Variants in CTNNBIP1 observed in about 807,000 individuals in gnomAD.
CTNNBIP1 encodes beta-catenin-interacting protein 1.
CTNNBIP1 carries 7 observed loss-of-function variants against 11.8 expected under a neutral mutation model. The ratio of observed to expected loss-of-function variants is 0.60; its 90% CI spans 0.34 to 1.12. The LOEUF (loss-of-function observed/expected upper bound fraction) is 1.12, where lower values mean the gene tolerates loss of function less well. Among genes scored for constraint, CTNNBIP1 ranks in the 50% most tolerant of loss-of-function variants. The pLI, the probability that CTNNBIP1 is intolerant of heterozygous loss-of-function variation, is 0.03. For missense variants in CTNNBIP1, 101 were observed against 113.4 expected (o/e 0.89, Z 0.50); for synonymous variants, 58 against 43.9 (o/e 1.32, Z -1.26).
intron 5 of CTNNBIP1, among the ~76,000 whole-genome samples, chr1:9,853,396 C>T (rs1456435132): frequency 6.6e-6 from 1 of 152,244 alleles, no homozygotes; most frequent in Non-Finnish European, 1.5e-5. Context: ...CCCTTTTCCT[C>T]TTCTCTATGA....
Position 9,850,689 on chromosome 1 carries a change from G to C in CTNNBIP1, c.*29C>G. ...CACACAGATCTCTTGGCCCTCAACA[G>C]CATCCAGGGTGTTCCAAGGGCTTTG... On this transcript the variant is annotated 3_prime_UTR_variant, in exon 6 of 6. Transcript: ENST00000377263. The C allele has an allele frequency of 1.9e-6, 3 of 1,609,114 alleles. No homozygotes were observed. The highest frequency in any genetic ancestry group is 2.6e-6 in the Non-Finnish European group (3 of 1,175,556).
intron 1 of CTNNBIP1, among the ~76,000 whole-genome samples, chr1:9,899,611 T>C (rs1024107245): frequency 6.7e-6 from 1 of 148,272 alleles, no homozygotes; most frequent in Non-Finnish European, 1.5e-5. Context: ...TACAAAAAAT[T>C]AGCCGGGCAT....
chr1:9,853,910 T>C (rs1638445588), intron 5 of CTNNBIP1, among the ~76,000 whole-genome samples: 1 of 150,432 alleles, frequency 6.6e-6, no homozygotes, highest in African/African-American at 2.5e-5. Flanking sequence ...GCTAGCAAAC[T>C]GAATACAACA....
rs1042601883 is a variant in CTNNBIP1, at chr1:9,851,174, G to T, written c.188-398C>A. Among the ~76,000 whole-genome samples, 1 of 152,146 alleles carries T rather than the reference G, an allele frequency of 6.6e-6. No homozygotes were observed. The highest frequency in any genetic ancestry group is 1.5e-5 in the Non-Finnish European group (1 of 68,034). ...CTCCCTCTTTCTTCTCAAGACTCGCGTCTTGATGCCTTCGGAGGGTCTGGC... is the reference window on the plus strand; with the variant it reads ...CTCCCTCTTTCTTCTCAAGACTCGCTTCTTGATGCCTTCGGAGGGTCTGGC... On this transcript the variant is annotated intron_variant, in intron 5 of 5. Coordinates refer to ENST00000377263, the MANE Select transcript of CTNNBIP1 (RefSeq NM_020248.3). This position sits in a 1 kb window ranked among gnomAD's most constrained non-coding sequence, Gnocchi z 4.8.
At chr1:9,865,554 A>C (rs1374642258) in intron 5 of CTNNBIP1, among the ~76,000 whole-genome samples, 1 of 145,890 alleles carries the variant, frequency 6.9e-6, no homozygotes, top group Admixed American at 6.6e-5. Context: ...CAGTGAGCCG[A>C]GACCGCACCA....
intron 5 of CTNNBIP1, 28 bp from the exon 6 acceptor site, chr1:9,850,804 A>T (rs1347863596): frequency 6.2e-7 from 1 of 1,611,218 alleles, no homozygotes; most frequent in Non-Finnish European, 8.5e-7. Context: ...AGGATCGCTG[A>T]TGGGGCTTGC....
intron 5 of CTNNBIP1, among the ~76,000 whole-genome samples, chr1:9,864,374 G>C (rs1427815384): frequency 6.6e-6 from 1 of 152,246 alleles, no homozygotes; most frequent in Non-Finnish European, 1.5e-5. Flanking sequence ...TGTCGCCCAG[G>C]CTGGAGTGCA....
At chr1:9,879,196 C>CA (rs35308314) in intron 2 of CTNNBIP1, among the ~76,000 whole-genome samples, 26,750 of 146,742 alleles carry the variant, frequency 0.18, 2,489 homozygotes, top group South Asian at 0.35. Flanking sequence ...GACTCCATCT[C>CA]AAAAAAAAAA....
chr1:9,884,267 G>A (rs61105638), intron 1 of CTNNBIP1, among the ~76,000 whole-genome samples: 5,315 of 152,240 alleles, frequency 0.035, 300 homozygotes, highest in African/African-American at 0.12. Flanking sequence ...ACAGCAGGGA[G>A]GGAGAGATCA....
chr1:9,859,310 C>G (rs1398466428), intron 5 of CTNNBIP1, among the ~76,000 whole-genome samples: 3 of 152,204 alleles, frequency 2.0e-5, no homozygotes, highest in Non-Finnish European at 4.4e-5. Context: ...CAGCTTTGCC[C>G]CTTTAGTGGA....
chr1:9,865,159 G>A (rs1437933530), intron 5 of CTNNBIP1, among the ~76,000 whole-genome samples: 1 of 151,880 alleles, frequency 6.6e-6, no homozygotes, highest in Non-Finnish European at 1.5e-5. Context: ...AACCTGTGAG[G>A]TGGAGGTTGC....
At chr1:9,900,278 C>T (rs1263674799) in intron 1 of CTNNBIP1, among the ~76,000 whole-genome samples, 1 of 145,134 alleles carries the variant, frequency 6.9e-6, no homozygotes, top group East Asian at 2.1e-4. Flanking sequence ...GCTTGTGGTC[C>T]CAACTACTTG....
intron 1 of CTNNBIP1, among the ~76,000 whole-genome samples, chr1:9,884,927 C>T (rs907216336): frequency 2.0e-5 from 3 of 151,958 alleles, no homozygotes; most frequent in African/African-American, 7.3e-5. Flanking sequence ...GGTGGGGCTG[C>T]GGTGGAACAG....
rs575932428 is a variant in CTNNBIP1, at chr1:9,903,467, C to T, written c.-144+6628G>A. Among the ~76,000 whole-genome samples the T allele has an allele frequency of 7.8e-4, 119 of 152,290 alleles. No homozygotes were observed. In the Middle Eastern group the frequency reaches 0.01, roughly 13 times the overall value. On this transcript the variant is annotated intron_variant, in intron 1 of 5. Coordinates refer to ENST00000377263, the MANE Select transcript of CTNNBIP1 (RefSeq NM_020248.3). ...AGAACAATGTTTTTGTCCAGCTATT[C>T]CCCCACAGAAGGACACCCTTCCCTC...
intron 3 of CTNNBIP1, among the ~76,000 whole-genome samples, chr1:9,874,601 TCTGCCCA>T (rs1427139900): frequency 6.8e-5 from 10 of 147,228 alleles, no homozygotes; most frequent in African/African-American, 2.5e-4. Flanking sequence ...GCTTATTGTC[TCTGCCCA>T]CTGCCCACTG....
intron 1 of CTNNBIP1, among the ~76,000 whole-genome samples, chr1:9,896,527 C>T (rs1381548434): frequency 3.9e-5 from 6 of 151,950 alleles, no homozygotes; most frequent in African/African-American, 4.8e-5. Context: ...GGTGAAACCC[C>T]GTCTCTACTA....
At chr1:9,881,029 T>G (rs193173613) in intron 2 of CTNNBIP1, among the ~76,000 whole-genome samples, 1 of 152,256 alleles carries the variant, frequency 6.6e-6, no homozygotes, top group African/African-American at 2.4e-5. Context: ...TCTCACCATC[T>G]TTAAATTCTT....
chr1:9,868,790 CATGCTCAGCTAATTTTTGTATTTTTA>C (rs938241686), intron 5 of CTNNBIP1, among the ~76,000 whole-genome samples: 1 of 152,126 alleles, frequency 6.6e-6, no homozygotes, highest in African/African-American at 2.4e-5. Flanking sequence ...CACCTGCCAC[CATGCTCAGCTAATTTTTGTATTTTTA>C]ATAGAGACAG....
chr1:9,861,357 C>G (rs539312529), intron 5 of CTNNBIP1, among the ~76,000 whole-genome samples: 23 of 152,376 alleles, frequency 1.5e-4, no homozygotes, highest in African/African-American at 5.3e-4. Flanking sequence ...CCCACACAAA[C>G]CAAGACCTGC....
Sources: gnomAD v4.1 joint callset for allele counts (sites outside exome capture counted in the v4.1 genomes callset) on GRCh38, gnomAD v4.1.1 for gene constraint, Gnocchi (gnomAD v3.1) non-coding constraint, MANE v1.5 for transcripts, NCBI Gene and HGNC (gene_info 2026-07-23, HGNC 2026-07-21) for gene names.